UVRAG: variants seen among roughly 807,000 people sequenced by gnomAD.
UVRAG encodes UV radiation resistance associated.
UVRAG carries 19 observed loss-of-function variants against 78.0 expected under a neutral mutation model. That is an observed-to-expected ratio of 0.24 (90% CI 0.17 to 0.36). The LOEUF is 0.36. Among genes scored for constraint, UVRAG ranks in the 10% least tolerant of loss-of-function variants. The pLI, the probability that UVRAG is intolerant of heterozygous loss-of-function variation, is 1.00. For synonymous variants in UVRAG, 323 were observed against 324.6 expected (o/e 1.00, Z 0.05); for missense variants, 740 against 853.8 (o/e 0.87, Z 1.66).
intron 14 of UVRAG, among the ~76,000 whole-genome samples, chr11:76,128,322 A>G (rs183336151): frequency 5.3e-5 from 8 of 152,290 alleles, no homozygotes; most frequent in African/African-American, 1.9e-4. Context: ...TGATGATCTG[A>G]GATGGAATCG....
At chr11:75,856,560 T>C (rs1199974364) in intron 2 of UVRAG, among the ~76,000 whole-genome samples, 2 of 152,256 alleles carry the variant, frequency 1.3e-5, no homozygotes, top group Non-Finnish European at 2.9e-5. Flanking sequence ...TTCTCCCGCC[T>C]CAGCCTCCCG....
chr11:76,029,431 C>G lies in UVRAG; in HGVS notation c.1226+12451C>G, dbSNP rs563292868. ...TTCCTCTGATGGATCTGGGCAAAAT[C>G]AATGGAAAACTTTCTGGACAGTATT... On this transcript the variant is annotated intron_variant, in intron 12 of 14. Coordinates refer to ENST00000356136, the MANE Select transcript of UVRAG (RefSeq NM_003369.4). 3.3e-5 allele frequency among the ~76,000 whole-genome samples: 5 copies of G among 152,178 alleles called. No homozygotes were observed. The East Asian group carries it at 7.7e-4, about 24-fold the overall frequency.
chr11:75,987,917 T>C (rs1949532518), intron 8 of UVRAG, among the ~76,000 whole-genome samples: 1 of 152,100 alleles, frequency 6.6e-6, no homozygotes, highest in Non-Finnish European at 1.5e-5. Context: ...TTTGTAATTT[T>C]AGTGGAGATG....
At chr11:75,971,501 T>C (rs1176221567) in intron 7 of UVRAG, among the ~76,000 whole-genome samples, 1 of 152,206 alleles carries the variant, frequency 6.6e-6, no homozygotes, top group East Asian at 1.9e-4. Context: ...TTTGCCAGCA[T>C]TTGGTGGTGT....
chr11:75,847,969 C>CAA (rs35386754), intron 1 of UVRAG, among the ~76,000 whole-genome samples: 6 of 69,822 alleles, frequency 8.6e-5, no homozygotes, highest in African/African-American at 1.4e-4. Flanking sequence ...GACTGTGTCT[C>CAA]AAAAAAAAAA....
chr11:75,855,857 G>A (rs1217388835), intron 2 of UVRAG, among the ~76,000 whole-genome samples: 3 of 152,172 alleles, frequency 2.0e-5, no homozygotes, highest in Non-Finnish European at 2.9e-5. Flanking sequence ...TGACATTCTT[G>A]TAGTGCTTTT....
intron 14 of UVRAG, among the ~76,000 whole-genome samples, chr11:76,119,104 T>C (rs1487151115): frequency 6.6e-6 from 1 of 152,210 alleles, no homozygotes; most frequent in African/African-American, 2.4e-5. Flanking sequence ...AAATTCCTTT[T>C]ATCTAGCTTG....
At chr11:75,933,325 A>G (rs1020979569) in intron 6 of UVRAG, among the ~76,000 whole-genome samples, 1 of 152,236 alleles carries the variant, frequency 6.6e-6, no homozygotes, top group Non-Finnish European at 1.5e-5. Flanking sequence ...AGGAAACTAG[A>G]CCACTGTCTC....
At chr11:76,032,627 A>G (rs956357432) in intron 12 of UVRAG, among the ~76,000 whole-genome samples, 2 of 152,192 alleles carry the variant, frequency 1.3e-5, no homozygotes, top group African/African-American at 2.4e-5. Context: ...CATTCTCCAC[A>G]TAATAAGACC....
At chr11:76,031,076 CA>C (rs1950428809) in intron 12 of UVRAG, among the ~76,000 whole-genome samples, 1 of 152,048 alleles carries the variant, frequency 6.6e-6, no homozygotes, top group African/African-American at 2.4e-5. Context: ...TCAGTTTTTG[CA>C]AATTCTATTA....
chr11:76,014,206 A>G (rs1276677515), intron 11 of UVRAG, among the ~76,000 whole-genome samples: 2 of 152,252 alleles, frequency 1.3e-5, no homozygotes, highest in Non-Finnish European at 2.9e-5. Flanking sequence ...ATATACAAAT[A>G]TAATTCTTTA....
rs555080783 is a variant in UVRAG at position 75,815,365 on chromosome 11, C to G, written c.-43C>G. 1.3e-5 allele frequency: 14 copies of G among 1,099,014 alleles called. No homozygotes were observed. The South Asian group carries it at 4.7e-4, about 37-fold the overall frequency. The allele number at this position is 1,099,014 out of a possible 1,614,324, so 68.1% of individuals were successfully genotyped here. A position where few individuals can be genotyped will look rare whatever the true frequency, so the allele number is the denominator to read the frequency against. ...GTGGCAAGGGGGCGGCGGCGGATGCCGGAAGAGTGCCCGCCCCGCCGCTTG... is the reference window on the plus strand; with the variant it reads ...GTGGCAAGGGGGCGGCGGCGGATGCGGGAAGAGTGCCCGCCCCGCCGCTTG... On this transcript the variant is annotated 5_prime_UTR_variant, in exon 1 of 15. Transcript: ENST00000356136.
At chr11:75,905,865 CT>C (rs893334330) in intron 5 of UVRAG, among the ~76,000 whole-genome samples, 10 of 151,504 alleles carry the variant, frequency 6.6e-5, no homozygotes, top group African/African-American at 2.4e-4. Context: ...CTATGATTAC[CT>C]TTTTGAGGAA....
rs1040975992 is a variant in UVRAG, at chr11:75,867,068, C to T, written c.270+5288C>T. Among the ~76,000 whole-genome samples the T allele has an allele frequency of 2.0e-5, 3 of 152,288 alleles. No homozygotes were observed. The South Asian group carries it at 6.2e-4, about 32-fold the overall frequency. The stretch of plus-strand genomic sequence containing the variant: ...TTAAGTCCTTTAAAGAGGTTGGATG[C>T]AGTCATTTCTCCAGTGACAGATATT... On this transcript the variant is annotated intron_variant, in intron 3 of 14. Coordinates refer to ENST00000356136, the MANE Select transcript of UVRAG (RefSeq NM_003369.4).
chr11:75,986,854 C>T (rs577126691), intron 8 of UVRAG, among the ~76,000 whole-genome samples: 1 of 151,768 alleles, frequency 6.6e-6, no homozygotes, highest in East Asian at 1.9e-4. Context: ...CAGAATCATG[C>T]AATATTGTGG....
At chr11:76,022,771 A>G (rs772842244) in intron 12 of UVRAG, among the ~76,000 whole-genome samples, 11 of 152,168 alleles carry the variant, frequency 7.2e-5, no homozygotes, top group Non-Finnish European at 1.5e-4. Flanking sequence ...AGTTACTGGT[A>G]GGGAAAAACT....
chr11:75,969,362 A>G (rs1218426211), intron 7 of UVRAG, among the ~76,000 whole-genome samples: 3 of 152,174 alleles, frequency 2.0e-5, no homozygotes, highest in Non-Finnish European at 4.4e-5. Flanking sequence ...TTGTATGTAT[A>G]TACCATATTT....
intron 6 of UVRAG, among the ~76,000 whole-genome samples, chr11:75,941,746 G>A (rs181866413): frequency 6.6e-6 from 1 of 152,228 alleles, no homozygotes; most frequent in East Asian, 1.9e-4. Flanking sequence ...CCACAGATGA[G>A]TTCTCTGAAA....
chr11:75,992,835 TG>T (rs1342116377), intron 8 of UVRAG, among the ~76,000 whole-genome samples: 2 of 152,226 alleles, frequency 1.3e-5, no homozygotes, highest in African/African-American at 4.8e-5. Flanking sequence ...CCATAGTCAC[TG>T]GTATTTGCTC....
Sources: allele counts gnomAD v4.1 joint callset (sites outside exome capture counted in the v4.1 genomes callset), GRCh38; gene constraint gnomAD v4.1.1; transcripts MANE v1.5; gene names NCBI Gene and HGNC (gene_info 2026-07-23, HGNC 2026-07-21).